Variants in MAP4K3 observed in about 807,000 individuals in gnomAD.
MAP4K3 encodes the protein mitogen-activated protein kinase kinase kinase kinase 3.
In MAP4K3, 94 loss-of-function variants were observed where a neutral mutation model predicts 143.5. The ratio of observed to expected loss-of-function variants is 0.65; its 90% CI spans 0.55 to 0.78. The LOEUF (loss-of-function observed/expected upper bound fraction) is 0.78, where lower values mean the gene tolerates loss of function less well. Ranked by LOEUF, MAP4K3 falls within the 30% of genes least tolerant of loss-of-function variation. The pLI, the probability that MAP4K3 is intolerant of heterozygous loss-of-function variation, is 0.00. For synonymous variants in MAP4K3, 416 were observed against 347.2 expected (o/e 1.20, Z -2.20); for missense variants, 1,077 against 1,068.1 (o/e 1.01, Z -0.12).
chr2:39,437,140 C>A lies in MAP4K3; in HGVS notation c.-153G>T. ...GCTGCGGCCGCCGCCGCCGCCGCCG[C>A]TCCCCTCACGCCGCTGCGGACGACG... On this transcript the variant is annotated 5_prime_UTR_variant, in exon 1 of 34. Transcript: ENST00000263881. 2.1e-6 allele frequency: 1 copy of A among 471,170 alleles called. No individual in the cohort carries two copies. Among genetic ancestry groups the A allele is most frequent in the Non-Finnish European group, 3.6e-6 (1 of 278,118 alleles). The allele number at this position is 471,170 out of a possible 1,614,324, so 29.2% of individuals were successfully genotyped here. A position where few individuals can be genotyped will look rare whatever the true frequency, so the allele number is the denominator to read the frequency against.
At chr2:39,413,467 T>C (rs988984836) in intron 1 of MAP4K3, among the ~76,000 whole-genome samples, 21 of 152,196 alleles carry the variant, frequency 1.4e-4, no homozygotes, top group Admixed American at 8.5e-4. Flanking sequence ...GGTCAGATAC[T>C]GGTATTGCTG....
At chr2:39,354,899 G>T (rs1665563090) in intron 3 of MAP4K3, among the ~76,000 whole-genome samples, 1 of 152,214 alleles carries the variant, frequency 6.6e-6, no homozygotes, top group Admixed American at 6.5e-5. Flanking sequence ...ATAAGTTACA[G>T]TATGTTGGAT....
chr2:39,359,290 A>T (rs1665699446), intron 2 of MAP4K3, among the ~76,000 whole-genome samples: 1 of 152,120 alleles, frequency 6.6e-6, no homozygotes, highest in Non-Finnish European at 1.5e-5. Context: ...TAAATCTTAA[A>T]GTTCCAAAAT....
At chr2:39,412,208 C>T (rs142428820) in intron 1 of MAP4K3, among the ~76,000 whole-genome samples, 58 of 152,268 alleles carry the variant, frequency 3.8e-4, no homozygotes, top group Non-Finnish European at 7.8e-4. Context: ...ACAGCTAGCG[C>T]GGGTCAGGGC....
At chr2:39,425,172 A>G (rs1307804837) in intron 1 of MAP4K3, among the ~76,000 whole-genome samples, 2 of 152,088 alleles carry the variant, frequency 1.3e-5, no homozygotes, top group Non-Finnish European at 2.9e-5. Context: ...TACAGAAAAA[A>G]AGTAGATGAA....
intron 31 of MAP4K3, among the ~76,000 whole-genome samples, chr2:39,256,842 A>C (rs1680360187): frequency 6.6e-6 from 1 of 152,164 alleles, no homozygotes; most frequent in South Asian, 2.1e-4. Flanking sequence ...CAGGTACCAC[A>C]AGCAATGAAC....
At chr2:39,338,710 G>A (rs1665054111) in intron 4 of MAP4K3, among the ~76,000 whole-genome samples, 1 of 152,202 alleles carries the variant, frequency 6.6e-6, no homozygotes, top group Non-Finnish European at 1.5e-5. Context: ...AGGACACTGA[G>A]GAGGAGATTA....
intron 15 of MAP4K3, among the ~76,000 whole-genome samples, chr2:39,303,935 G>C (rs546378875): frequency 2.6e-5 from 4 of 152,230 alleles, no homozygotes; most frequent in African/African-American, 9.6e-5. Context: ...GAAAAAAATA[G>C]CATCAGTTAA....
At chr2:39,257,549 C>T (rs1480864698) in intron 31 of MAP4K3, among the ~76,000 whole-genome samples, 2 of 151,942 alleles carry the variant, frequency 1.3e-5, no homozygotes, top group African/African-American at 4.8e-5. Context: ...GCCTGTAATC[C>T]CAGCACTTTG....
At chr2:39,395,320 C>T (rs986392302) in intron 1 of MAP4K3, among the ~76,000 whole-genome samples, 7 of 80,656 alleles carry the variant, frequency 8.7e-5, no homozygotes, top group African/African-American at 2.5e-4. Context: ...CCTACATGCA[C>T]GTACACATAC....
chr2:39,306,535 T>G (rs1344015523), intron 15 of MAP4K3, among the ~76,000 whole-genome samples: 4 of 152,202 alleles, frequency 2.6e-5, no homozygotes, highest in Non-Finnish European at 5.9e-5. Context: ...AGGTAACCAG[T>G]TTTTTGCACT....
In MAP4K3 at chr2:39,432,013, T is replaced by C. The variant is rs1665304201; in HGVS notation, c.96+4879A>G. 2.6e-5 allele frequency among the ~76,000 whole-genome samples: 4 copies of C among 152,146 alleles called. No homozygotes were observed. The South Asian group carries it at 8.3e-4, about 31-fold the overall frequency. On this transcript the variant is annotated intron_variant, in intron 1 of 33. Transcript: ENST00000263881. ...AGCCAGCAAGAGATTTAATATGATA[T>C]AAATGAGGAAACCAAAAGGTTCTGA... is the stretch of plus-strand genomic sequence containing the variant.
intron 2 of MAP4K3, among the ~76,000 whole-genome samples, chr2:39,370,733 A>C (rs369782241): frequency 1.3e-5 from 2 of 152,310 alleles, no homozygotes; most frequent in South Asian, 4.1e-4. Flanking sequence ...AAAAGGAATG[A>C]GTTTCCCCAT....
intron 12 of MAP4K3, among the ~76,000 whole-genome samples, chr2:39,321,789 T>C (rs1683316040): frequency 6.6e-6 from 1 of 152,212 alleles, no homozygotes; most frequent in African/African-American, 2.4e-5. Flanking sequence ...TTGTAAAGCA[T>C]TGAGATGTTT....
In MAP4K3 at chr2:39,433,933, T is replaced by C. The variant is rs951048514; in HGVS notation, c.96+2959A>G. Among the ~76,000 whole-genome samples the C allele has an allele frequency of 2.0e-5, 3 of 152,344 alleles. No individual in the cohort carries two copies. In the East Asian group the frequency reaches 5.8e-4, roughly 29 times the overall value. ...GAAGAAGGGCATATGATGGTAATAA[T>C]ATCTCCACAACAAAACAGCTCTGAG... is the stretch of plus-strand genomic sequence containing the variant. On this transcript the variant is annotated intron_variant, in intron 1 of 33. Transcript: ENST00000263881.
chr2:39,417,007 A>G (rs1396167055), intron 1 of MAP4K3, among the ~76,000 whole-genome samples: 4 of 152,222 alleles, frequency 2.6e-5, no homozygotes, highest in African/African-American at 9.6e-5. Context: ...TCTTACATGT[A>G]AAAGTTCACA....
intron 1 of MAP4K3, among the ~76,000 whole-genome samples, chr2:39,398,710 T>A (rs937336394): frequency 2.2e-5 from 3 of 137,268 alleles, no homozygotes; most frequent in Admixed American, 7.4e-5. Context: ...TCAGGAATAA[T>A]TAAAATAATA....
chr2:39,400,077 C>G (rs1666912822), intron 1 of MAP4K3, among the ~76,000 whole-genome samples: 1 of 152,116 alleles, frequency 6.6e-6, no homozygotes, highest in African/African-American at 2.4e-5. Context: ...TCAAATTAAT[C>G]CCCCCAAAAA....
chr2:39,298,655 T>C (rs1319357538), intron 16 of MAP4K3, among the ~76,000 whole-genome samples: 1 of 152,134 alleles, frequency 6.6e-6, no homozygotes, highest in Non-Finnish European at 1.5e-5. Context: ...AACTCTCTAA[T>C]GCAACTGAAA....
Sources: gnomAD v4.1 joint callset for allele counts (sites outside exome capture counted in the v4.1 genomes callset) on GRCh38, gnomAD v4.1.1 for gene constraint, MANE v1.5 for transcripts, NCBI Gene and HGNC (gene_info 2026-07-23, HGNC 2026-07-21) for gene names.